TAF12: variants seen among roughly 807,000 people sequenced by gnomAD.
TAF12 encodes transcription initiation factor TFIID subunit 12.
Under a neutral mutation model 20.8 loss-of-function variants are expected in TAF12, and 3 were observed. That is an observed-to-expected ratio of 0.14 (90% confidence interval 0.07 to 0.37). The LOEUF (loss-of-function observed/expected upper bound fraction) is 0.37. Among genes scored for constraint, TAF12 ranks in the 10% least tolerant of loss-of-function variants. The pLI, the probability that TAF12 is intolerant of heterozygous loss-of-function variation, is 1.00. For missense variants in TAF12, 131 were observed against 197.9 expected (o/e 0.66, Z 2.03); for synonymous variants, 69 against 70.2 (o/e 0.98, Z 0.09).
At chr1:28,635,785 G>A (rs1667803380) in intron 1 of TAF12, among the ~76,000 whole-genome samples, 2 of 151,240 alleles carry the variant, frequency 1.3e-5, no homozygotes, top group Non-Finnish European at 2.9e-5. Flanking sequence ...TAAGACCCTG[G>A]TATTCTCTGT....
intron 1 of TAF12, among the ~76,000 whole-genome samples, chr1:28,625,320 T>A (rs1229344911): frequency 1.3e-5 from 2 of 152,142 alleles, no homozygotes; most frequent in Non-Finnish European, 2.9e-5. Context: ...AGGAGTACTG[T>A]TTGAGCCCAG....
upstream of TAF12, among the ~76,000 whole-genome samples, chr1:28,645,286 T>C (rs71514294): frequency 1.3e-5 from 2 of 150,098 alleles, no homozygotes; most frequent in South Asian, 2.1e-4. Context: ...CCGCCTGCCT[T>C]GGCCTCCCAA....
chr1:28,634,374 C>T (rs1667743755), intron 1 of TAF12, among the ~76,000 whole-genome samples: 1 of 148,826 alleles, frequency 6.7e-6, no homozygotes, highest in Admixed American at 6.8e-5. Flanking sequence ...CGAGATCACA[C>T]CACTGCACTC....
rs535929572 is a variant in TAF12, at chr1:28,642,307, T to A, written c.-85+685A>T. 5.3e-5 allele frequency among the ~76,000 whole-genome samples: 8 copies of A among 152,320 alleles called. No individual in the cohort carries two copies. In the East Asian group the frequency reaches 1.5e-3, roughly 29 times the overall value. On this transcript the variant is annotated intron_variant, in intron 1 of 5. Coordinates refer to ENST00000373824, the MANE Select transcript of TAF12 (RefSeq NM_005644.4). ...TTATCTCTCTGGGTTCAGGGAATAC[T>A]GTGAAAAAATGGATCACTAAATCTT...
intron 4 of TAF12, among the ~76,000 whole-genome samples, chr1:28,610,194 T>C (rs1462353005): frequency 6.6e-6 from 1 of 151,854 alleles, no homozygotes; most frequent in African/African-American, 2.4e-5. Context: ...GCCAGGCTGG[T>C]CTTGAACTCA....
At chr1:28,634,427 A>C (rs1310737205) in intron 1 of TAF12, among the ~76,000 whole-genome samples, 5 of 151,424 alleles carry the variant, frequency 3.3e-5, no homozygotes, top group Non-Finnish European at 5.9e-5. Context: ...AAAAAAAAAA[A>C]AAAAAAAAAC....
chr1:28,615,561 C>T (rs1438383640), intron 3 of TAF12, among the ~76,000 whole-genome samples: 1 of 151,512 alleles, frequency 6.6e-6, no homozygotes, highest in Non-Finnish European at 1.5e-5. Flanking sequence ...TGCCTGTAGT[C>T]CCAGCTTCTC....
intron 1 of TAF12, among the ~76,000 whole-genome samples, chr1:28,629,302 T>C (rs1667540333): frequency 6.6e-6 from 1 of 152,252 alleles, no homozygotes; most frequent in African/African-American, 2.4e-5. Context: ...TTGAATTTTT[T>C]TCTCTGCAGA....
At chr1:28,636,138 A>C (rs567583646) in intron 1 of TAF12, among the ~76,000 whole-genome samples, 1 of 152,342 alleles carries the variant, frequency 6.6e-6, no homozygotes, top group Admixed American at 6.5e-5. Context: ...ATAGAAATGC[A>C]AGATTTTTTT....
intron 1 of TAF12, among the ~76,000 whole-genome samples, chr1:28,630,446 C>T (rs1462400170): frequency 6.6e-6 from 1 of 151,610 alleles, no homozygotes; most frequent in Non-Finnish European, 1.5e-5. Context: ...CTAAGCTACT[C>T]GAGGCTGAGG....
chr1:28,621,494 T>C (rs993248853), intron 2 of TAF12, among the ~76,000 whole-genome samples: 15 of 152,214 alleles, frequency 9.9e-5, no homozygotes, highest in Non-Finnish European at 1.9e-4. Flanking sequence ...AACTACATGG[T>C]TAACATGTAT....
intron 1 of TAF12, among the ~76,000 whole-genome samples, chr1:28,640,839 G>A (rs1668005554): frequency 6.6e-6 from 1 of 152,114 alleles, no homozygotes; most frequent in Non-Finnish European, 1.5e-5. Flanking sequence ...ATTTTGGGAG[G>A]CCAAGGCGGG....
intron 5 of TAF12, among the ~76,000 whole-genome samples, chr1:28,604,760 T>TA (rs1263553933): frequency 1.3e-5 from 2 of 152,152 alleles, no homozygotes; most frequent in Non-Finnish European, 2.9e-5. Flanking sequence ...AGTAGCCACT[T>TA]AAGTTAAGAC....
At chr1:28,643,593 C>T (rs761681028), upstream of TAF12, 9 of 152,136 alleles carry the variant, frequency 5.9e-5, no homozygotes, top group Non-Finnish European at 1.2e-4. Context: ...TGTGCTAATC[C>T]GCTTACCTCC....
At chr1:28,626,545 C>T (rs1428839650) in intron 1 of TAF12, among the ~76,000 whole-genome samples, 4 of 145,978 alleles carry the variant, frequency 2.7e-5, no homozygotes, top group Admixed American at 1.4e-4. Flanking sequence ...CATGCCACTG[C>T]GCTCCAGCCC....
chr1:28,618,091 C>G (rs1667098962), intron 2 of TAF12, 61 bp from the exon 3 acceptor site: 1 of 1,493,918 alleles, frequency 6.7e-7, no homozygotes, highest in African/African-American at 1.4e-5. Context: ...CAAATCATTA[C>G]CCTGTAATGA....
At chr1:28,625,470 A>C (rs1214467166) in intron 1 of TAF12, among the ~76,000 whole-genome samples, 1 of 152,110 alleles carries the variant, frequency 6.6e-6, no homozygotes. Context: ...TCGTGGACTC[A>C]AGCAATCCTC....
chr1:28,605,754 T>C (rs1194914446), intron 4 of TAF12, among the ~76,000 whole-genome samples: 1 of 152,204 alleles, frequency 6.6e-6, no homozygotes, highest in Non-Finnish European at 1.5e-5. Context: ...GCCTCCCAAG[T>C]AGCTGGGACT....
chr1:28,624,391 T>C (rs1442839214), intron 1 of TAF12, among the ~76,000 whole-genome samples: 1 of 152,190 alleles, frequency 6.6e-6, no homozygotes. Flanking sequence ...ATGTCTACTG[T>C]ATCTATCCTA....
Sources: allele counts gnomAD v4.1 joint callset (sites outside exome capture counted in the v4.1 genomes callset), GRCh38; gene constraint gnomAD v4.1.1; transcripts MANE v1.5; gene names NCBI Gene and HGNC (gene_info 2026-07-23, HGNC 2026-07-21).